Variants in UBXN4 observed in about 807,000 individuals in gnomAD.
The protein encoded by UBXN4 is UBX domain protein 4.
UBXN4 carries 35 observed loss-of-function variants against 66.2 expected under a neutral mutation model. The observed-to-expected ratio is 0.53, with a 90% CI of 0.40 to 0.70. The LOEUF (loss-of-function observed/expected upper bound fraction) is 0.70, where lower values mean the gene tolerates loss of function less well. UBXN4 is among the 30% of genes least tolerant of loss of function. UBXN4 has a pLI of 0.00. For missense variants in UBXN4, 533 were observed against 599.8 expected, an observed-to-expected ratio of 0.89 and a Z score of 1.16; for synonymous variants, 203 against 204.5, an observed-to-expected ratio of 0.99 and a Z score of 0.06.
At chr2:135,766,294 C>T (rs1402135509) in intron 6 of UBXN4, among the ~76,000 whole-genome samples, 3 of 152,114 alleles carry the variant, frequency 2.0e-5, no homozygotes, top group African/African-American at 4.8e-5. Flanking sequence ...TACAGATGGT[C>T]TATAAATACG....
In UBXN4 at chr2:135,784,331, C is replaced by G. The variant is rs529466804; in HGVS notation, c.*1444C>G. 5 of 152,222 alleles carry G rather than the reference C, an allele frequency of 3.3e-5. No individual in the cohort carries two copies. The highest frequency in any genetic ancestry group is 1.2e-4 in the African/African-American group (5 of 41,544). The allele number at this position is 152,222 out of a possible 1,614,324, so 9.4% of individuals were successfully genotyped here. A position where few individuals can be genotyped will look rare whatever the true frequency, so the allele number is the denominator to read the frequency against. ...GAAATGGTACAATACTAATTAACAA[C>G]TTGGTTTAACATGTTTACTGAGCAT... On this transcript the variant is annotated 3_prime_UTR_variant, in exon 13 of 13. Transcript: ENST00000272638.
At chr2:135,765,969 A>G (rs1415545695) in intron 6 of UBXN4, among the ~76,000 whole-genome samples, 1 of 152,134 alleles carries the variant, frequency 6.6e-6, no homozygotes, top group Admixed American at 6.6e-5. Flanking sequence ...CCTGAGCAAC[A>G]TGGTGAAACC....
chr2:135,776,502 T>C, intron 10 of UBXN4, 151 bp downstream of exon 10: 1 of 617,692 alleles, frequency 1.6e-6, no homozygotes, highest in Non-Finnish European at 2.8e-6. Flanking sequence ...GTGGAAATTC[T>C]GTCGGGTGTT....
At chr2:135,750,919 G>A (rs2077237536) in intron 2 of UBXN4, among the ~76,000 whole-genome samples, 1 of 132,504 alleles carries the variant, frequency 7.5e-6, no homozygotes, top group Non-Finnish European at 1.5e-5. Flanking sequence ...GCAGTGGCGT[G>A]ATCTCGGCTC....
chr2:135,765,948 T>A (rs917015815), intron 6 of UBXN4, among the ~76,000 whole-genome samples: 1 of 151,904 alleles, frequency 6.6e-6, no homozygotes, highest in Non-Finnish European at 1.5e-5. Context: ...AGGTCAGGAG[T>A]TCGAGACCAG....
At chr2:135,780,738 A>G (rs1425262357) in intron 12 of UBXN4, among the ~76,000 whole-genome samples, 1 of 152,140 alleles carries the variant, frequency 6.6e-6, no homozygotes, top group Non-Finnish European at 1.5e-5. Flanking sequence ...AGTTCATTGC[A>G]TTAATCGTTC....
chr2:135,779,044 G>C lies in UBXN4; in HGVS notation c.1150G>C (p.Glu384Gln), dbSNP rs749572241. 4 of 1,613,584 alleles carry C rather than the reference G, an allele frequency of 2.5e-6. No homozygotes were observed. In the East Asian group the frequency reaches 8.9e-5, roughly 36 times the overall value. The change falls in exon 11 of 13, where the codon GAA becomes CAA. Residue 384 changes from glutamate to glutamine, a missense_variant. Transcript: ENST00000272638. ...EDYKKKLLDL[E>Q]LAPSASVVLL... ...TTATAAAAAGAAGTTACTGGATTTG[G>C]AACTTGCCCCAAGCGCTTCGGTGGT...
intron 1 of UBXN4, among the ~76,000 whole-genome samples, chr2:135,743,638 T>G (rs1417050531): frequency 6.6e-6 from 1 of 152,216 alleles, no homozygotes; most frequent in Non-Finnish European, 1.5e-5. Context: ...GAACAATTTG[T>G]AAATTGGTGA....
At chr2:135,758,606 C>T (rs976952230) in intron 5 of UBXN4, among the ~76,000 whole-genome samples, 1 of 152,094 alleles carries the variant, frequency 6.6e-6, no homozygotes, top group Admixed American at 6.6e-5. Flanking sequence ...AATCCATTGC[C>T]TAGCTTCATG....
chr2:135,766,974 A>G (rs1475388670), intron 6 of UBXN4, among the ~76,000 whole-genome samples: 3 of 152,020 alleles, frequency 2.0e-5, no homozygotes, highest in Non-Finnish European at 4.4e-5. Flanking sequence ...AAATGCTTTG[A>G]TCTACCCCCT....
chr2:135,758,220 A>AT (rs1217601872), intron 5 of UBXN4, among the ~76,000 whole-genome samples: 5 of 151,974 alleles, frequency 3.3e-5, no homozygotes, highest in Non-Finnish European at 7.4e-5. Context: ...GATTACAGGC[A>AT]TGCGCCACCA....
intron 6 of UBXN4, 55 bp downstream of exon 6, chr2:135,761,966 T>A: frequency 6.6e-7 from 1 of 1,511,908 alleles, no homozygotes. Context: ...TGGTTTTCAG[T>A]TATTTCATTA....
chr2:135,753,413 G>A, intron 2 of UBXN4, 126 bp from the exon 3 acceptor site: 2 of 641,394 alleles, frequency 3.1e-6, no homozygotes, highest in Non-Finnish European at 4.9e-6. Context: ...CAACCTGATT[G>A]CTGTGAAAGA....
At chr2:135,775,350 T>C (rs1022169826) in intron 9 of UBXN4, among the ~76,000 whole-genome samples, 1 of 152,222 alleles carries the variant, frequency 6.6e-6, no homozygotes, top group Non-Finnish European at 1.5e-5. Flanking sequence ...CAAAAACCTG[T>C]ACATGAGTAT....
At chr2:135,743,098 T>A (rs575822605) in intron 1 of UBXN4, among the ~76,000 whole-genome samples, 1 of 152,356 alleles carries the variant, frequency 6.6e-6, no homozygotes, top group South Asian at 2.1e-4. Context: ...ACTATTTGTG[T>A]TTAATAACGG....
chr2:135,783,553 T>C lies in UBXN4; in HGVS notation c.*666T>C, dbSNP rs1361763541. ...CTGGAAAGTAGCTGGCGAGGTTACC[T>C]TAACTATCACTGAAGAAAGAAATTT... On this transcript the variant is annotated 3_prime_UTR_variant, in exon 13 of 13. Coordinates refer to ENST00000272638, the MANE Select transcript of UBXN4 (RefSeq NM_014607.4). 1 of 152,210 alleles carries C rather than the reference T, an allele frequency of 6.6e-6. No homozygotes were observed. Among genetic ancestry groups the C allele is most frequent in the East Asian group, 1.9e-4 (1 of 5,200 alleles). The allele number at this position is 152,210 out of a possible 1,614,324, so 9.4% of individuals were successfully genotyped here.
Position 135,784,796 on chromosome 2 carries a change from G to T in UBXN4, c.*1909G>T, listed in dbSNP as rs1385833740. 3.9e-5 allele frequency: 6 copies of T among 152,392 alleles called. No individual in the cohort carries two copies. The highest frequency in any genetic ancestry group is 1.2e-4 in the African/African-American group (5 of 41,362). 9.4% of individuals were successfully genotyped at this position (152,392 alleles called of 1,614,324 possible). ...TATCAAATATAACTCTTAGAGAAATGTACATAAAAGAATGCTTCGTAATTT... is the reference window on the plus strand; with the variant it reads ...TATCAAATATAACTCTTAGAGAAATTTACATAAAAGAATGCTTCGTAATTT... On this transcript the variant is annotated 3_prime_UTR_variant, in exon 13 of 13. Coordinates refer to ENST00000272638, the MANE Select transcript of UBXN4 (RefSeq NM_014607.4).
intron 5 of UBXN4, among the ~76,000 whole-genome samples, chr2:135,760,732 A>C (rs576479429): frequency 6.6e-6 from 1 of 152,308 alleles, no homozygotes; most frequent in Non-Finnish European, 1.5e-5. Flanking sequence ...ACTGGCTGCT[A>C]GTGGTTACCA....
Position 135,776,371 on chromosome 2 carries a change from TGTA to T in UBXN4, c.1053+24_1053+26del, listed in dbSNP as rs1484795293. ...GCACAGGTAAATTTATGTCTTGAGT[TGTA>T]GTAAAAATAGATGTGTAGGTTACTA... On this transcript the variant is annotated intron_variant, in intron 10 of 12. Transcript: ENST00000272638. The T allele has an allele frequency of 6.3e-7, 1 of 1,592,870 alleles. No homozygotes were observed. Among genetic ancestry groups the T allele is most frequent in the Non-Finnish European group, 8.6e-7 (1 of 1,166,278 alleles).
Sources: gnomAD v4.1 joint callset for allele counts (sites outside exome capture counted in the v4.1 genomes callset) on GRCh38, gnomAD v4.1.1 for gene constraint, MANE v1.5 for transcripts, NCBI Gene and HGNC (gene_info 2026-07-23, HGNC 2026-07-21) for gene names.